The following DIAPH3 variants were observed in gnomAD, a reference collection of about 807,000 sequenced individuals.
The protein encoded by DIAPH3 is protein diaphanous homolog 3.
Under a neutral mutation model 144.3 loss-of-function variants are expected in DIAPH3, and 117 were observed. The observed-to-expected ratio is 0.81, with a 90% CI of 0.70 to 0.95. The LOEUF is 0.95. Ranked by LOEUF, DIAPH3 falls within the 40% of genes least tolerant of loss-of-function variation. DIAPH3 has a pLI of 0.00. For synonymous variants in DIAPH3, 519 were observed against 488.9 expected (o/e 1.06, Z -0.81); for missense variants, 1,421 against 1,412.7 (o/e 1.01, Z -0.09).
chr13:59,796,665 C>A (rs1193787726), intron 25 of DIAPH3, among the ~76,000 whole-genome samples: 1 of 152,132 alleles, frequency 6.6e-6, no homozygotes, highest in Non-Finnish European at 1.5e-5. Context: ...CTAAACATAT[C>A]TTTTACTGAT....
intron 27 of DIAPH3, among the ~76,000 whole-genome samples, chr13:59,748,796 T>G (rs1385021801): frequency 6.6e-6 from 1 of 152,186 alleles, no homozygotes; most frequent in Non-Finnish European, 1.5e-5. Flanking sequence ...CATTTTATAT[T>G]AGAGGGGGCC....
intron 1 of DIAPH3, among the ~76,000 whole-genome samples, chr13:60,149,401 A>G (rs1429914623): frequency 6.6e-6 from 1 of 152,176 alleles, no homozygotes; most frequent in Non-Finnish European, 1.5e-5. Flanking sequence ...ATGCTGTGGT[A>G]TGTTCCCATG....
At chr13:59,801,158 A>G (rs2039881629) in intron 25 of DIAPH3, among the ~76,000 whole-genome samples, 1 of 152,232 alleles carries the variant, frequency 6.6e-6, no homozygotes, top group East Asian at 1.9e-4. Context: ...TACTTCTGAA[A>G]TATATCTGAA....
At chr13:60,040,928 C>T (rs2055617642) in intron 5 of DIAPH3, among the ~76,000 whole-genome samples, 1 of 152,130 alleles carries the variant, frequency 6.6e-6, no homozygotes, top group South Asian at 2.1e-4. Flanking sequence ...ATTCTCCTGC[C>T]TCAGCCTCCT....
At chr13:59,724,943 A>G (rs2138936234) in intron 27 of DIAPH3, among the ~76,000 whole-genome samples, 1 of 152,328 alleles carries the variant, frequency 6.6e-6, no homozygotes. Context: ...TAGAGTTTCA[A>G]CTTTTATTTA....
Position 59,810,774 on chromosome 13 carries a change from T to TTG in DIAPH3, c.3163+12_3163+13dup. 6.2e-7 allele frequency: 1 copy of TTG among 1,611,948 alleles called. No individual in the cohort carries two copies. The highest frequency in any genetic ancestry group is 8.5e-7 in the Non-Finnish European group (1 of 1,179,410). The stretch of plus-strand genomic sequence containing the variant: ...AGTATACATAGAATAAATAACAAAT[T>TTG]TGATAGTACTCACCAGTCTTCATTT... On this transcript the variant is annotated intron_variant, in intron 25 of 27. Transcript: ENST00000400324.
At chr13:59,677,435 A>G (rs571124558) in intron 27 of DIAPH3, among the ~76,000 whole-genome samples, 1 of 152,140 alleles carries the variant, frequency 6.6e-6, no homozygotes, top group African/African-American at 2.4e-5. Context: ...AAAAAGGTGA[A>G]ATTAGTTTTA....
At chr13:60,129,227 C>T (rs921120873) in intron 2 of DIAPH3, among the ~76,000 whole-genome samples, 1 of 152,236 alleles carries the variant, frequency 6.6e-6, no homozygotes, top group South Asian at 2.1e-4. Context: ...TCCCCTCACT[C>T]CCCCCTCCTC....
At chr13:59,856,085 CTTT>C (rs2043238122) in intron 22 of DIAPH3, among the ~76,000 whole-genome samples, 1 of 152,034 alleles carries the variant, frequency 6.6e-6, no homozygotes, top group Non-Finnish European at 1.5e-5. Context: ...ACATGTACTA[CTTT>C]ATGTTTCATG....
intron 3 of DIAPH3, among the ~76,000 whole-genome samples, chr13:60,110,513 AAC>A (rs2058538388): frequency 2.0e-5 from 3 of 152,220 alleles, no homozygotes; most frequent in African/African-American, 7.2e-5. Context: ...AGAAGGCAAC[AAC>A]ACCCTTCAAA....
chr13:59,923,283 G>C (rs993353073), intron 18 of DIAPH3, among the ~76,000 whole-genome samples: 1 of 152,026 alleles, frequency 6.6e-6, no homozygotes, highest in Non-Finnish European at 1.5e-5. Flanking sequence ...TGTAATGCAG[G>C]TCATGAACAT....
chr13:59,692,824 T>G (rs1225821756), intron 27 of DIAPH3, among the ~76,000 whole-genome samples: 1 of 152,148 alleles, frequency 6.6e-6, no homozygotes, highest in Non-Finnish European at 1.5e-5. Context: ...GGGAGTTATT[T>G]TGGGTCTAAT....
At chr13:60,020,284 C>G (rs1244769755) in intron 5 of DIAPH3, among the ~76,000 whole-genome samples, 2 of 152,176 alleles carry the variant, frequency 1.3e-5, no homozygotes, top group Non-Finnish European at 2.9e-5. Context: ...GATGACAGAT[C>G]TCCACACCAT....
intron 27 of DIAPH3, among the ~76,000 whole-genome samples, chr13:59,768,209 C>T (rs975442201): frequency 6.6e-6 from 1 of 152,000 alleles, no homozygotes; most frequent in African/African-American, 2.4e-5. Flanking sequence ...GTGTCAAAAA[C>T]CATTAGTATT....
chr13:60,048,300 A>C (rs927870618), intron 4 of DIAPH3, among the ~76,000 whole-genome samples: 2 of 152,202 alleles, frequency 1.3e-5, no homozygotes, highest in Admixed American at 6.5e-5. Flanking sequence ...CCCATGGAAG[A>C]CTGCCTCTCC....
chr13:59,825,110 A>G (rs2041312454), intron 24 of DIAPH3, among the ~76,000 whole-genome samples: 1 of 152,052 alleles, frequency 6.6e-6, no homozygotes, highest in Non-Finnish European at 1.5e-5. Context: ...ATATGTATAC[A>G]TGTGCCATGC....
At chr13:59,818,000 C>A (rs2040867144) in intron 24 of DIAPH3, among the ~76,000 whole-genome samples, 1 of 151,880 alleles carries the variant, frequency 6.6e-6, no homozygotes, top group Non-Finnish European at 1.5e-5. Context: ...GTCTCTCAAT[C>A]TGTTTTTTGT....
chr13:59,964,504 T>C (rs1254296382), intron 17 of DIAPH3, among the ~76,000 whole-genome samples: 2 of 152,048 alleles, frequency 1.3e-5, no homozygotes, highest in African/African-American at 2.4e-5. Context: ...TTACAATGCA[T>C]AAATTTCTAC....
chr13:59,714,117 T>C (rs1040533559), intron 27 of DIAPH3, among the ~76,000 whole-genome samples: 2 of 151,968 alleles, frequency 1.3e-5, no homozygotes, highest in African/African-American at 4.8e-5. Context: ...TCCCAGGACT[T>C]TGGGAGGCCG....
Sources: allele counts gnomAD v4.1 joint callset (sites outside exome capture counted in the v4.1 genomes callset), GRCh38; gene constraint gnomAD v4.1.1; transcripts MANE v1.5; gene names NCBI Gene and HGNC (gene_info 2026-07-23, HGNC 2026-07-21).